FOXJ3: variants seen among roughly 807,000 people sequenced by gnomAD.
The protein encoded by FOXJ3 is forkhead box J3.
FOXJ3 carries 22 observed loss-of-function variants against 76.1 expected under a neutral mutation model. The observed-to-expected ratio is 0.29, with a 90% CI of 0.21 to 0.41. The LOEUF is 0.41. Ranked by LOEUF, FOXJ3 falls within the 10% of genes least tolerant of loss-of-function variation. The pLI is 1.00. For missense variants in FOXJ3, 613 were observed against 762.1 expected, an observed-to-expected ratio of 0.80 and a Z score of 2.30; for synonymous variants, 269 against 261.2, an observed-to-expected ratio of 1.03 and a Z score of -0.29.
chr1:42,272,273 A>G (rs1225861276), intron 3 of FOXJ3, among the ~76,000 whole-genome samples: 6 of 152,188 alleles, frequency 3.9e-5, no homozygotes, highest in African/African-American at 1.2e-4. Context: ...TCGCCTCCAT[A>G]CCTGAAGAAG....
intron 4 of FOXJ3, among the ~76,000 whole-genome samples, chr1:42,248,730 CT>C (rs4019587): frequency 0.031 from 2,870 of 92,142 alleles, 79 homozygotes; most frequent in African/African-American, 0.037. Flanking sequence ...CCTGTTTTTT[CT>C]TTTTTTTTTT....
At chr1:42,269,171 ATAAC>A (rs1306136163) in intron 3 of FOXJ3, among the ~76,000 whole-genome samples, 5 of 152,078 alleles carry the variant, frequency 3.3e-5, no homozygotes, top group South Asian at 2.1e-4. Context: ...TAGAAAGGGG[ATAAC>A]TAATAACAGA....
chr1:42,302,452 G>A (rs933113953), intron 2 of FOXJ3, among the ~76,000 whole-genome samples: 3 of 152,242 alleles, frequency 2.0e-5, no homozygotes, highest in Non-Finnish European at 4.4e-5. Context: ...TCCAGACCAG[G>A]CAGGCCCACC....
intron 6 of FOXJ3, among the ~76,000 whole-genome samples, chr1:42,199,716 CATAATT>C (rs759293203): frequency 1.8e-4 from 27 of 151,242 alleles, no homozygotes; most frequent in Non-Finnish European, 3.2e-4. Flanking sequence ...TTTATAAAAT[CATAATT>C]ATATGATCTA....
intron 3 of FOXJ3, among the ~76,000 whole-genome samples, chr1:42,268,863 G>A (rs565950669): frequency 6.6e-6 from 1 of 152,208 alleles, no homozygotes; most frequent in South Asian, 2.1e-4. Flanking sequence ...AGGTTATGAA[G>A]GGTGTCCTCA....
At position 42,178,461 on chromosome 1, in the gene FOXJ3, G is replaced by A. The variant is rs1646255257; in HGVS notation, c.*1249C>T. 6.6e-6 allele frequency: 1 copy of A among 152,228 alleles called. No individual in the cohort carries two copies. Among genetic ancestry groups the A allele is most frequent in the Non-Finnish European group, 1.5e-5 (1 of 68,040 alleles). The allele number at this position is 152,228 out of a possible 1,614,324, so 9.4% of individuals were successfully genotyped here. ...ATAGAGAATGACACAATGTCTCTCTGAGTGTCTTATCTGTAAATTCTTATC... is the reference window on the plus strand; with the variant it reads ...ATAGAGAATGACACAATGTCTCTCTAAGTGTCTTATCTGTAAATTCTTATC... On this transcript the variant is annotated 3_prime_UTR_variant, in exon 13 of 13. Coordinates refer to ENST00000361346, the MANE Select transcript of FOXJ3 (RefSeq NM_014947.5).
Position 42,179,634 on chromosome 1 carries a change from A to C in FOXJ3, c.*76T>G. On this transcript the variant is annotated 3_prime_UTR_variant, in exon 13 of 13. Transcript: ENST00000361346. ...AGTGATTAGCAAGTTTGTTTTCTCAACTGGATTCTCTTAAACCTTTCCCTT... is the reference window on the plus strand; with the variant it reads ...AGTGATTAGCAAGTTTGTTTTCTCACCTGGATTCTCTTAAACCTTTCCCTT... The C allele has an allele frequency of 1.1e-6, 1 of 871,138 alleles. No individual in the cohort carries two copies. Among genetic ancestry groups the C allele is most frequent in the East Asian group, 2.5e-5 (1 of 40,280 alleles). The allele number at this position is 871,138 out of a possible 1,614,324, so 54.0% of individuals were successfully genotyped here. A position where few individuals can be genotyped will look rare whatever the true frequency, so the allele number is the denominator to read the frequency against.
chr1:42,325,795 G>C (rs896981859), intron 1 of FOXJ3, among the ~76,000 whole-genome samples: 1 of 152,128 alleles, frequency 6.6e-6, no homozygotes, highest in Admixed American at 6.5e-5. Context: ...TTAATTTCTT[G>C]ATCAGCAGAG....
At chr1:42,263,433 A>G (rs572889325) in intron 4 of FOXJ3, among the ~76,000 whole-genome samples, 1 of 152,334 alleles carries the variant, frequency 6.6e-6, no homozygotes, top group Non-Finnish European at 1.5e-5. Flanking sequence ...TCTGATTCAT[A>G]TATACTCATT....
intron 5 of FOXJ3, among the ~76,000 whole-genome samples, chr1:42,210,537 T>C (rs1410200128): frequency 6.6e-6 from 1 of 152,000 alleles, no homozygotes; most frequent in Non-Finnish European, 1.5e-5. Context: ...AAGGAGAAAT[T>C]TTCTGCATGA....
chr1:42,202,068 G>A (rs886940877), intron 6 of FOXJ3, among the ~76,000 whole-genome samples: 3 of 151,894 alleles, frequency 2.0e-5, no homozygotes, highest in East Asian at 1.9e-4. Context: ...CCAGATATCA[G>A]CAAATTGTAT....
chr1:42,236,330 A>AAT (rs1444129470), intron 4 of FOXJ3, among the ~76,000 whole-genome samples: 2 of 152,164 alleles, frequency 1.3e-5, no homozygotes, highest in African/African-American at 4.8e-5. Context: ...AGGTAGGACT[A>AAT]TAAGTTCCTG....
At chr1:42,299,718 C>T (rs961647441) in intron 2 of FOXJ3, among the ~76,000 whole-genome samples, 1 of 151,900 alleles carries the variant, frequency 6.6e-6, no homozygotes, top group African/African-American at 2.4e-5. Flanking sequence ...ACCAGCCTGG[C>T]CAACATGGCA....
intron 5 of FOXJ3, among the ~76,000 whole-genome samples, chr1:42,221,526 G>A (rs1174672073): frequency 6.6e-6 from 1 of 152,038 alleles, no homozygotes; most frequent in African/African-American, 2.4e-5. Context: ...CACAATCATG[G>A]CTCACTGCAA....
rs528589483 is a variant in FOXJ3 at position 42,278,245 on chromosome 1, A to C, written c.369+103T>G. Reference sequence around the variant, plus strand: ...CATCCTAAAAATCACTAGAGATCAAAATTTCATATTCAATTACATGAGCAT... The same window carrying C: ...CATCCTAAAAATCACTAGAGATCAACATTTCATATTCAATTACATGAGCAT... On this transcript the variant is annotated intron_variant, in intron 3 of 12. Coordinates refer to ENST00000361346, the MANE Select transcript of FOXJ3 (RefSeq NM_014947.5). 99 of 896,186 alleles carry C rather than the reference A, an allele frequency of 1.1e-4. 1 individual carries two copies. In the African/African-American group the frequency reaches 1.4e-3, roughly 13 times the overall value. The allele number at this position is 896,186 out of a possible 1,614,324, so 55.5% of individuals were successfully genotyped here.
At chr1:42,307,063 T>C (rs935755841) in intron 2 of FOXJ3, among the ~76,000 whole-genome samples, 5 of 152,184 alleles carry the variant, frequency 3.3e-5, no homozygotes, top group African/African-American at 1.2e-4. Context: ...GCACTAAAGA[T>C]GGACTGAAAG....
intron 7 of FOXJ3, among the ~76,000 whole-genome samples, chr1:42,198,817 C>T (rs1646703434): frequency 1.3e-5 from 2 of 152,118 alleles, no homozygotes; most frequent in South Asian, 4.1e-4. Flanking sequence ...AACTAAAGTG[C>T]AATTTTTTTC....
At chr1:42,188,089 A>G (rs1015822906) in intron 11 of FOXJ3, among the ~76,000 whole-genome samples, 1 of 152,238 alleles carries the variant, frequency 6.6e-6, no homozygotes, top group Admixed American at 6.5e-5. Context: ...TAAAATCAAT[A>G]TAACATACAG....
At chr1:42,329,703 G>A (rs552690096) in intron 1 of FOXJ3, among the ~76,000 whole-genome samples, 2 of 152,234 alleles carry the variant, frequency 1.3e-5, no homozygotes, top group Admixed American at 6.5e-5. Flanking sequence ...GTTTTGAGCA[G>A]GGACAAACAA....
Sources: allele counts gnomAD v4.1 joint callset (sites outside exome capture counted in the v4.1 genomes callset), GRCh38; gene constraint gnomAD v4.1.1; transcripts MANE v1.5; gene names NCBI Gene and HGNC (gene_info 2026-07-23, HGNC 2026-07-21).